RANBP2: variants seen among roughly 807,000 people sequenced by gnomAD.
RANBP2 encodes the protein RAN binding protein 2.
RANBP2 carries 57 observed loss-of-function variants against 303.6 expected under a neutral mutation model. The observed-to-expected ratio is 0.19, with a 90% confidence interval of 0.15 to 0.23. The LOEUF (loss-of-function observed/expected upper bound fraction) is 0.23, where lower values mean the gene tolerates loss of function less well. Ranked by LOEUF, RANBP2 falls within the 10% of genes least tolerant of loss-of-function variation. The pLI is 1.00. For missense variants in RANBP2, 3,138 were observed against 3,780.8 expected (o/e 0.83, Z 4.46); for synonymous variants, 1,167 against 1,301.5 (o/e 0.90, Z 2.23).
chr2:109,474,971 T>C, the RANBP2 span, among the ~76,000 whole-genome samples: 1 of 145,778 alleles, frequency 6.9e-6, no homozygotes, highest in African/African-American at 2.5e-5. Context: ...TGGGTTTTTT[T>C]TGTTTGTTTG....
At chr2:108,994,994 T>A in the RANBP2 span, among the ~76,000 whole-genome samples, 213 of 151,970 alleles carry the variant, frequency 1.4e-3, no homozygotes, top group African/African-American at 4.7e-3. Context: ...CACGCCTGGC[T>A]AATTTTTTTG....
At chr2:109,105,847 G>A in the RANBP2 span, among the ~76,000 whole-genome samples, 25 of 145,076 alleles carry the variant, frequency 1.7e-4, no homozygotes, top group Non-Finnish European at 2.7e-4. Flanking sequence ...GAGCCACCGC[G>A]CCTGGTCTTT....
At chr2:109,716,353 G>A in the RANBP2 span, among the ~76,000 whole-genome samples, 1 of 152,086 alleles carries the variant, frequency 6.6e-6, no homozygotes, top group Non-Finnish European at 1.5e-5. Flanking sequence ...CCGGGTTCAA[G>A]CAATTCTCCT....
At chr2:109,460,698 G>A in the RANBP2 span, among the ~76,000 whole-genome samples, 4 of 152,154 alleles carry the variant, frequency 2.6e-5, no homozygotes, top group Admixed American at 6.5e-5. Context: ...TTTCACATGT[G>A]CTTTTCCAAT....
the RANBP2 span, among the ~76,000 whole-genome samples, chr2:109,279,658 T>G: frequency 1.3e-5 from 2 of 152,244 alleles, no homozygotes; most frequent in African/African-American, 4.8e-5. Flanking sequence ...CATCACTGTT[T>G]CCTTTTGGAA....
At chr2:109,728,417 A>G in the RANBP2 span, among the ~76,000 whole-genome samples, 2 of 152,124 alleles carry the variant, frequency 1.3e-5, no homozygotes, top group Non-Finnish European at 2.9e-5. Context: ...GATACTACTA[A>G]ATACAGTAAA....
At chr2:109,613,266 TA>T in the RANBP2 span, 3 of 1,019,028 alleles carry the variant, frequency 2.9e-6, no homozygotes, top group East Asian at 1.8e-4. Context: ...CGCGTTCTTT[TA>T]GAGTACAAAA....
At chr2:108,996,348 C>T in the RANBP2 span, among the ~76,000 whole-genome samples, 4 of 152,198 alleles carry the variant, frequency 2.6e-5, no homozygotes, top group Non-Finnish European at 5.9e-5. Flanking sequence ...TTCTCACAAT[C>T]CCAAACTGGG....
chr2:109,064,020 G>A, the RANBP2 span, among the ~76,000 whole-genome samples: 3 of 152,278 alleles, frequency 2.0e-5, no homozygotes, highest in Middle Eastern at 3.4e-3. Context: ...GATTCTAGGC[G>A]TGCTGCACTG....
chr2:108,767,286 A>G lies in RANBP2; in HGVS notation c.6747A>G (p.Ala2249=). Residue 2249 remains alanine, a synonymous_variant, in exon 20 of 29, where the codon GCA becomes GCG. Coordinates refer to ENST00000283195, the MANE Select transcript of RANBP2 (RefSeq NM_006267.5). ...GCTCAGTACATGCTTCTCCATTGGC[A>G]AGTAGCCCTGTGAGAAAAAATCTTT... The part of the protein sequence containing the change: ...SSSSVHASPL[A]SSPVRKNLFR... The G allele has an allele frequency of 1.9e-6, 3 of 1,612,042 alleles. No homozygotes were observed. Among genetic ancestry groups the G allele is most frequent in the Non-Finnish European group, 2.5e-6 (3 of 1,179,870 alleles).
chr2:108,818,369 G>T, the RANBP2 span, among the ~76,000 whole-genome samples: 1 of 152,158 alleles, frequency 6.6e-6, no homozygotes. Context: ...AATAACACAA[G>T]AGAATAATAT....
the RANBP2 span, among the ~76,000 whole-genome samples, chr2:108,792,683 G>A: frequency 1.3e-5 from 2 of 152,072 alleles, no homozygotes; most frequent in African/African-American, 2.4e-5. Context: ...TTACTTCTCC[G>A]TTGTCTGTTC....
At chr2:109,638,808 A>G in the RANBP2 span, among the ~76,000 whole-genome samples, 14 of 152,282 alleles carry the variant, frequency 9.2e-5, no homozygotes, top group Non-Finnish European at 2.1e-4. Context: ...AAACAACCCC[A>G]CAGTTCTAAA....
At chr2:109,433,375 T>C in the RANBP2 span, among the ~76,000 whole-genome samples, 3 of 152,256 alleles carry the variant, frequency 2.0e-5, no homozygotes. Context: ...TCTACTACTT[T>C]TATCAAATAG....
At chr2:109,705,130 T>A in the RANBP2 span, among the ~76,000 whole-genome samples, 4 of 150,406 alleles carry the variant, frequency 2.7e-5, no homozygotes, top group Non-Finnish European at 4.4e-5. Context: ...TGGGGCCAGG[T>A]GCAGTGGCTC....
At chr2:108,871,314 C>G in the RANBP2 span, among the ~76,000 whole-genome samples, 1,167 of 143,438 alleles carry the variant, frequency 8.1e-3, 15 homozygotes, top group African/African-American at 0.028. Context: ...GGGCAGATCT[C>G]TTGAGGTCAG....
chr2:109,221,810 A>G, the RANBP2 span, among the ~76,000 whole-genome samples: 4 of 152,266 alleles, frequency 2.6e-5, no homozygotes, highest in Non-Finnish European at 5.9e-5. Context: ...TTTCTCAGAA[A>G]ACGAAAACTA....
chr2:109,066,240 C>T, the RANBP2 span, among the ~76,000 whole-genome samples: 1 of 152,068 alleles, frequency 6.6e-6, no homozygotes, highest in African/African-American at 2.4e-5. Context: ...TACTGAGTAG[C>T]TAGAATTACA....
chr2:109,527,992 G>A, the RANBP2 span, among the ~76,000 whole-genome samples: 11 of 152,316 alleles, frequency 7.2e-5, no homozygotes, highest in South Asian at 1.2e-3. Flanking sequence ...GCGGGAGGAC[G>A]GGTGGATAGT....
Sources: gnomAD v4.1 joint callset for allele counts (sites outside exome capture counted in the v4.1 genomes callset) on GRCh38, gnomAD v4.1.1 for gene constraint, MANE v1.5 for transcripts, NCBI Gene and HGNC (gene_info 2026-07-23, HGNC 2026-07-21) for gene names.